Variants in ARHGEF3 observed in about 807,000 individuals in gnomAD.
ARHGEF3 encodes Rho guanine nucleotide exchange factor 3.
Under a neutral mutation model 63.2 loss-of-function variants are expected in ARHGEF3, and 28 were observed. That is an observed-to-expected ratio of 0.44 (90% CI 0.33 to 0.61). The LOEUF (loss-of-function observed/expected upper bound fraction) is 0.61. Ranked by LOEUF, ARHGEF3 falls within the 20% of genes least tolerant of loss-of-function variation. ARHGEF3 has a pLI of 0.03. For synonymous variants in ARHGEF3, 266 were observed against 254.2 expected (o/e 1.05, Z -0.44); for missense variants, 533 against 659.3 (o/e 0.81, Z 2.10).
chr3:56,844,964 T>G (rs1229017789), intron 4 of ARHGEF3, among the ~76,000 whole-genome samples: 1 of 118,580 alleles, frequency 8.4e-6, no homozygotes, highest in Non-Finnish European at 2.0e-5. Context: ...GATTGGGTTA[T>G]GTACTCATAT....
chr3:56,997,847 T>G (rs1356560078), intron 2 of ARHGEF3, among the ~76,000 whole-genome samples: 1 of 152,130 alleles, frequency 6.6e-6, no homozygotes. Flanking sequence ...ACATTCCAAT[T>G]CTAGAATTCC....
intron 3 of ARHGEF3, among the ~76,000 whole-genome samples, 194 bp downstream of exon 3, chr3:56,754,787 A>G (rs2034969423): frequency 6.6e-6 from 1 of 152,160 alleles, no homozygotes; most frequent in Non-Finnish European, 1.5e-5. Context: ...GTTTCTTTTT[A>G]AAGTGGGGGC....
At chr3:56,975,653 T>C in intron 2 of ARHGEF3, 1 of 262,102 alleles carries the variant, frequency 3.8e-6, no homozygotes, top group Non-Finnish European at 7.6e-6. Flanking sequence ...AGAGTGGGAT[T>C]CAAACCCAGG....
At chr3:56,933,827 T>G (rs2042477018) in intron 3 of ARHGEF3, among the ~76,000 whole-genome samples, 1 of 152,182 alleles carries the variant, frequency 6.6e-6, no homozygotes, top group Admixed American at 6.5e-5. Context: ...CAAATTGTAA[T>G]CCCCATAATC....
chr3:57,042,469 G>C (rs1704226686), intron 1 of ARHGEF3, among the ~76,000 whole-genome samples: 1 of 151,514 alleles, frequency 6.6e-6, no homozygotes, highest in Admixed American at 6.6e-5. Flanking sequence ...ATACTAGTTT[G>C]AGAAAGTCAA....
intron 3 of ARHGEF3, among the ~76,000 whole-genome samples, chr3:56,899,825 T>C (rs2041445600): frequency 1.3e-5 from 2 of 152,304 alleles, no homozygotes; most frequent in East Asian, 3.9e-4. Context: ...GCCTCCTTTT[T>C]CCCATCCTTT....
intron 1 of ARHGEF3, 77 bp from the exon 2 acceptor site, chr3:56,773,893 G>T (rs1273944011): frequency 1.7e-6 from 2 of 1,185,580 alleles, no homozygotes; most frequent in Non-Finnish European, 2.4e-6. Context: ...ATACAACTGT[G>T]TTCCACTCCA....
intron 4 of ARHGEF3, among the ~76,000 whole-genome samples, chr3:56,833,053 C>T (rs1052634628): frequency 2.0e-5 from 3 of 152,150 alleles, no homozygotes; most frequent in South Asian, 2.1e-4. Flanking sequence ...CTATGAACAT[C>T]CATGTGCAAA....
chr3:56,798,537 GTTTTTTT>G (rs368922829), intron 1 of ARHGEF3, among the ~76,000 whole-genome samples: 61,278 of 139,370 alleles, frequency 0.44, 15,318 homozygotes, highest in Non-Finnish European at 0.56. Flanking sequence ...TCTTTACTTC[GTTTTTTT>G]TTTTTTTTTT....
chr3:56,732,573 A>G, intron 8 of ARHGEF3, 149 bp from the exon 9 acceptor site: 1 of 902,954 alleles, frequency 1.1e-6, no homozygotes, highest in East Asian at 2.6e-5. Context: ...GGAGAACCAA[A>G]GTTGGGCATG....
intron 3 of ARHGEF3, among the ~76,000 whole-genome samples, chr3:56,910,881 A>C (rs1484384788): frequency 6.6e-6 from 1 of 152,164 alleles, no homozygotes; most frequent in African/African-American, 2.4e-5. Flanking sequence ...CTGATACCCT[A>C]TGAGGCAGGT....
At chr3:56,783,423 G>C (rs1170046754) in intron 1 of ARHGEF3, among the ~76,000 whole-genome samples, 1 of 152,160 alleles carries the variant, frequency 6.6e-6, no homozygotes, top group Non-Finnish European at 1.5e-5. Flanking sequence ...CTACAAATTT[G>C]GAGAGGGTGA....
At chr3:56,869,341 G>T (rs1172703351) in intron 4 of ARHGEF3, among the ~76,000 whole-genome samples, 1 of 152,168 alleles carries the variant, frequency 6.6e-6, no homozygotes, top group African/African-American at 2.4e-5. Context: ...AGTCATGAAT[G>T]TTATGCTTAT....
At chr3:57,010,580 T>C (rs1449767884) in intron 2 of ARHGEF3, among the ~76,000 whole-genome samples, 1 of 152,178 alleles carries the variant, frequency 6.6e-6, no homozygotes, top group Non-Finnish European at 1.5e-5. Flanking sequence ...TACAAAACTA[T>C]GCATGGTTTG....
chr3:56,748,538 T>C (rs902333911), intron 6 of ARHGEF3, among the ~76,000 whole-genome samples: 1 of 135,002 alleles, frequency 7.4e-6, no homozygotes, highest in Admixed American at 8.3e-5. Context: ...CCTAATATTG[T>C]GAAAAAATCT....
At chr3:56,737,164 T>C (rs2033680349) in intron 8 of ARHGEF3, 21 bp downstream of exon 8, 5 of 1,605,836 alleles carry the variant, frequency 3.1e-6, no homozygotes, top group African/African-American at 2.7e-5. Flanking sequence ...ATAAGACTGC[T>C]TAAAGGGAGT....
intron 4 of ARHGEF3, among the ~76,000 whole-genome samples, chr3:56,840,304 A>G (rs888362405): frequency 6.6e-6 from 1 of 152,202 alleles, no homozygotes; most frequent in Non-Finnish European, 1.5e-5. Context: ...TGTATTTACT[A>G]TTCAATGATC....
intron 1 of ARHGEF3, among the ~76,000 whole-genome samples, chr3:56,801,145 C>A (rs2037629248): frequency 6.6e-6 from 1 of 152,222 alleles, no homozygotes; most frequent in Admixed American, 6.5e-5. Context: ...AGCCCCAGCC[C>A]CCCGGCTGAA....
chr3:57,077,928 T>C (rs573690064), intron 1 of ARHGEF3, among the ~76,000 whole-genome samples: 4 of 152,212 alleles, frequency 2.6e-5, no homozygotes, highest in Admixed American at 6.5e-5. Flanking sequence ...CCATGGCTAC[T>C]GTGTAAGCAC....
Sources: gnomAD v4.1 joint callset for allele counts (sites outside exome capture counted in the v4.1 genomes callset) on GRCh38, gnomAD v4.1.1 for gene constraint, MANE v1.5 for transcripts, NCBI Gene and HGNC (gene_info 2026-07-23, HGNC 2026-07-21) for gene names.